NIBAN2: variants seen among roughly 807,000 people sequenced by gnomAD.
The protein encoded by NIBAN2 is niban apoptosis regulator 2.
In NIBAN2, 36 loss-of-function variants were observed where a neutral mutation model predicts 81.8. The observed-to-expected ratio is 0.44, with a 90% CI of 0.34 to 0.58. The LOEUF is 0.58. Among genes scored for constraint, NIBAN2 ranks in the 20% least tolerant of loss-of-function variants. The pLI, the probability that NIBAN2 is intolerant of heterozygous loss-of-function variation, is 0.02. For missense variants in NIBAN2, 897 were observed against 1,014.1 expected (o/e 0.88, Z 1.57); for synonymous variants, 445 against 441.6 (o/e 1.01, Z -0.10).
rs1837726558 is a variant in NIBAN2 at position 127,559,073 on chromosome 9, A to G, written c.55+9747T>C. ...GCTGCCTCTTGAGATGGGCCGACTG[A>G]GTGCTGAAACCAACATACACTCTGG... On this transcript the variant is annotated intron_variant, in intron 1 of 13. Coordinates refer to ENST00000373312, the MANE Select transcript of NIBAN2 (RefSeq NM_022833.4). The surrounding 1 kb of genome is among the most constrained non-coding windows in gnomAD (Gnocchi z 4.0). Among the ~76,000 whole-genome samples the G allele has an allele frequency of 6.6e-6, 1 of 152,206 alleles. No individual in the cohort carries two copies. Among genetic ancestry groups the G allele is most frequent in the African/African-American group, 2.4e-5 (1 of 41,462 alleles).
chr9:127,558,491 T>A (rs1340520050), intron 1 of NIBAN2, among the ~76,000 whole-genome samples: 1 of 152,116 alleles, frequency 6.6e-6, no homozygotes, highest in African/African-American at 2.4e-5. Context: ...AGGGGATTGG[T>A]TAGAGGAGCT....
intron 1 of NIBAN2, among the ~76,000 whole-genome samples, chr9:127,568,070 GC>G (rs1363632224): frequency 6.6e-6 from 1 of 152,202 alleles, no homozygotes; most frequent in East Asian, 1.9e-4. Flanking sequence ...TTCCCCAGGA[GC>G]CTTGGGGACA....
chr9:127,509,213 C>T lies in NIBAN2; in HGVS notation c.1162-82G>A, dbSNP rs1052956157. ...CCCCCACACACTTTGCCTGGGTCCT[C>T]GAAGTCCAGGCCCTGGGGCTGGCGC... On this transcript the variant is annotated intron_variant, in intron 9 of 13. Transcript: ENST00000373312. 8.3e-5 allele frequency: 115 copies of T among 1,382,380 alleles called. 1 individual carries two copies. The Admixed American group carries it at 1.7e-3, about 20-fold the overall frequency. The allele number at this position is 1,382,380 out of a possible 1,614,324, so 85.6% of individuals were successfully genotyped here.
In NIBAN2 at chr9:127,523,681, T is replaced by C. The variant is rs928898969; in HGVS notation, c.587A>G (p.Asn196Ser). The change falls in exon 5 of 14, where the codon AAT becomes AGT. Residue 196 changes from asparagine (N) to serine (S), a missense_variant and splice_region_variant. Asn to Ser is a conservative substitution (Grantham distance 46, BLOSUM62 1). This residue lies in a region of NIBAN2 where 69 missense variants were observed against 114.7 expected (regional missense o/e 0.60). Transcript: ENST00000373312. ...CCCTGCACCCACAGGCCACTCACCA[T>C]TGTTGCAGTGCCGGATGCAGTCCTG... ...VLQDCIRHCN[N>S]GIPEDSKVEG... 11 of 1,609,412 alleles carry C rather than the reference T, an allele frequency of 6.8e-6. No individual in the cohort carries two copies. Among genetic ancestry groups the C allele is most frequent in the African/African-American group, 2.7e-5 (2 of 74,870 alleles).
intron 1 of NIBAN2, among the ~76,000 whole-genome samples, chr9:127,537,756 C>T (rs1837305642): frequency 6.6e-6 from 1 of 152,224 alleles, no homozygotes; most frequent in Admixed American, 6.5e-5. Flanking sequence ...GAAATACAAC[C>T]CTCACTTTAC....
At chr9:127,532,594 G>A (rs1034310255) in intron 1 of NIBAN2, among the ~76,000 whole-genome samples, 6 of 151,876 alleles carry the variant, frequency 4.0e-5, no homozygotes, top group African/African-American at 1.2e-4. Context: ...GCGACAGAGC[G>A]AGACTCCATA....
Position 127,559,799 on chromosome 9 carries a change from G to A in NIBAN2, c.55+9021C>T, listed in dbSNP as rs1293710462. ...CTACCCAGCACCCTGACCCACACCCGGCACTTCTGATCTGCAAGAGGAGGG... is the reference window on the plus strand; with the variant it reads ...CTACCCAGCACCCTGACCCACACCCAGCACTTCTGATCTGCAAGAGGAGGG... On this transcript the variant is annotated intron_variant, in intron 1 of 13. Transcript: ENST00000373312. The surrounding 1 kb of genome is among the most constrained non-coding windows in gnomAD (Gnocchi z 4.0). 1.2e-4 allele frequency among the ~76,000 whole-genome samples: 19 copies of A among 152,062 alleles called. No individual in the cohort carries two copies. The highest frequency in any genetic ancestry group is 1.1e-3 in the Admixed American group (17 of 15,278).
intron 3 of NIBAN2, among the ~76,000 whole-genome samples, chr9:127,525,929 T>G (rs1277704158): frequency 6.6e-6 from 1 of 152,174 alleles, no homozygotes; most frequent in South Asian, 2.1e-4. Context: ...CTTACACCAG[T>G]AGCAGGGGGC....
intron 1 of NIBAN2, among the ~76,000 whole-genome samples, chr9:127,554,560 T>C (rs1837633605): frequency 1.4e-5 from 2 of 145,086 alleles, no homozygotes; most frequent in Non-Finnish European, 3.0e-5. Flanking sequence ...TTTTTTTTTT[T>C]TTTTTTTTTT....
chr9:127,527,159 G>A (rs748070439), intron 3 of NIBAN2, 35 bp downstream of exon 3: 1 of 1,607,822 alleles, frequency 6.2e-7, no homozygotes, highest in Non-Finnish European at 8.5e-7. Flanking sequence ...GAGAAAGCGG[G>A]GAGGCTCAGT....
chr9:127,565,011 T>C (rs563202147), intron 1 of NIBAN2, among the ~76,000 whole-genome samples: 3 of 152,334 alleles, frequency 2.0e-5, no homozygotes, highest in Non-Finnish European at 4.4e-5. Context: ...GGTGTTTTCA[T>C]GTTTTATTTT....
At chr9:127,578,158 T>G (rs1177315185) in intron 1 of NIBAN2, among the ~76,000 whole-genome samples, 1 of 144,224 alleles carries the variant, frequency 6.9e-6, no homozygotes, top group Non-Finnish European at 1.5e-5. Flanking sequence ...GCCACTGCAC[T>G]CCAGCCTGAG....
In NIBAN2 at chr9:127,508,849, G is replaced by C; in HGVS notation, c.1317+127C>G. 9.3e-7 allele frequency: 1 copy of C among 1,072,150 alleles called. No individual in the cohort carries two copies. The highest frequency in any genetic ancestry group is 1.6e-5 in the African/African-American group (1 of 64,008). 66.4% of individuals were successfully genotyped at this position (1,072,150 alleles called of 1,614,324 possible). ...AGGCACAGATGTTCCAAGCAGAGGA[G>C]GAGAGAGCGTGCCAGGCAAGCGTGG... On this transcript the variant is annotated intron_variant, in intron 10 of 13. Transcript: ENST00000373312. This position sits in a 1 kb window ranked among gnomAD's most constrained non-coding sequence, Gnocchi z 6.4.
chr9:127,544,011 G>A (rs1000178709), intron 1 of NIBAN2, among the ~76,000 whole-genome samples: 2 of 152,198 alleles, frequency 1.3e-5, no homozygotes, highest in Non-Finnish European at 2.9e-5. Flanking sequence ...GAGAAGTTAA[G>A]TGACTTTCCC....
Position 127,510,260 on chromosome 9 carries a change from G to T in NIBAN2, c.1047C>A (p.Ala349=), listed in dbSNP as rs751132229. The T allele has an allele frequency of 6.2e-7, 1 of 1,614,058 alleles. No homozygotes were observed. Among genetic ancestry groups the T allele is most frequent in the Non-Finnish European group, 8.5e-7 (1 of 1,179,964 alleles). The change falls in exon 9 of 14, where the codon GCC becomes GCA. Residue 349 remains alanine (A), a synonymous_variant. Coordinates refer to ENST00000373312, the MANE Select transcript of NIBAN2 (RefSeq NM_022833.4). ...AGCCCTGGCTGGTGGGGACCATCAGGGCCTCCAGGATGGATGGGATGTAGG... is the reference window on the plus strand; with the variant it reads ...AGCCCTGGCTGGTGGGGACCATCAGTGCCTCCAGGATGGATGGGATGTAGG... ...VQPYIPSILE[A]LMVPTSQGFT...
chr9:127,562,676 G>A (rs979313491), intron 1 of NIBAN2, among the ~76,000 whole-genome samples: 2 of 152,318 alleles, frequency 1.3e-5, no homozygotes, highest in South Asian at 4.1e-4. Flanking sequence ...AGCAGAGCAC[G>A]GGAAGAGTTG....
At position 127,507,139 on chromosome 9, in the gene NIBAN2, A is replaced by G. The variant is rs745920127; in HGVS notation, c.1947T>C (p.Gly649=). ...PESPPPASPD[G]VTEIRGLLAQ... is the part of the protein sequence containing the mutation. ...CCAGCAGGCCTCGGATCTCAGTGAC[A>G]CCGTCCGGGGACGCAGGTGGTGGTG... The change falls in exon 14 of 14, where the codon GGT becomes GGC. Residue 649 remains glycine (G), a synonymous_variant. Transcript: ENST00000373312. This position sits in a 1 kb window ranked among gnomAD's most constrained non-coding sequence, Gnocchi z 6.8. The G allele has an allele frequency of 5.0e-6, 8 of 1,602,340 alleles. No homozygotes were observed. Among genetic ancestry groups the G allele is most frequent in the African/African-American group, 1.3e-5 (1 of 74,710 alleles).
chr9:127,522,049 G>A (rs962449685), intron 5 of NIBAN2, among the ~76,000 whole-genome samples: 231 of 152,344 alleles, frequency 1.5e-3, no homozygotes, highest in African/African-American at 5.2e-3. Flanking sequence ...TTGGAAACCT[G>A]GAGAGATGGC....
At chr9:127,526,318 T>G (rs549643607) in intron 3 of NIBAN2, among the ~76,000 whole-genome samples, 6 of 146,434 alleles carry the variant, frequency 4.1e-5, no homozygotes, top group African/African-American at 1.5e-4. Context: ...GAGAATCACT[T>G]GAGCCAGGGA....
Sources: allele counts gnomAD v4.1 joint callset (sites outside exome capture counted in the v4.1 genomes callset), GRCh38; gene constraint gnomAD v4.1.1; regional missense constraint gnomAD v4.1.1; non-coding constraint Gnocchi (gnomAD v3.1); transcripts MANE v1.5; gene names NCBI Gene and HGNC (gene_info 2026-07-23, HGNC 2026-07-21).